Variants in ATG101 observed in about 807,000 individuals in gnomAD.
ATG101 encodes autophagy related 101, also known as autophagy-related protein 101.
In ATG101, 6 loss-of-function variants were observed where a neutral mutation model predicts 16.7. That is an observed-to-expected ratio of 0.36 (90% CI 0.20 to 0.71). ATG101 has a LOEUF of 0.71. Among genes scored for constraint, ATG101 ranks in the 30% least tolerant of loss-of-function variants. The pLI is 0.57. For missense variants in ATG101, 200 were observed against 292.5 expected (o/e 0.68, Z 2.31); for synonymous variants, 108 against 118.1 (o/e 0.91, Z 0.56).
At chr12:52,066,132 C>G (rs1939547814), upstream of ATG101, among the ~76,000 whole-genome samples, 1 of 152,134 alleles carries the variant, frequency 6.6e-6, no homozygotes, top group South Asian at 2.1e-4. Flanking sequence ...CTGCCTTGGC[C>G]CCCCAAAGTG....
intron 3 of ATG101, among the ~76,000 whole-genome samples, chr12:52,075,287 C>G (rs1226422214): frequency 6.6e-6 from 1 of 152,200 alleles, no homozygotes; most frequent in Non-Finnish European, 1.5e-5. Context: ...CCTGTGTCCT[C>G]CAGGTGTCCA....
At position 52,077,244 on chromosome 12, in the gene ATG101, GA is replaced by G. The variant is rs1230760217; in HGVS notation, c.*56del. ...ATGGCTCCCAGACCTTGGCTTTTGG[GA>G]ATTGCACTTTTGGGCCTTTGGGCTC... On this transcript the variant is annotated 3_prime_UTR_variant, in exon 4 of 4. Coordinates refer to ENST00000336854, the MANE Select transcript of ATG101 (RefSeq NM_021934.5). 1 of 1,572,428 alleles carries G rather than the reference GA, an allele frequency of 6.4e-7. No homozygotes were observed. Among genetic ancestry groups the G allele is most frequent in the Non-Finnish European group, 8.7e-7 (1 of 1,155,992 alleles).
At position 52,076,887 on chromosome 12, in the gene ATG101, A is replaced by T; in HGVS notation, c.354A>T (p.Pro118=). 1 of 1,614,196 alleles carries T rather than the reference A, an allele frequency of 6.2e-7. No homozygotes were observed. The highest frequency in any genetic ancestry group is 1.1e-5 in the South Asian group (1 of 91,090). Residue 118 remains proline (P), a synonymous_variant, in exon 4 of 4, where the codon CCA becomes CCT. Transcript: ENST00000336854. ...GGCCATTCTCAGACGAGTGCATCCC[A>T]TGGGAAGTGTGGACGGTCAAGGTGC... ...SRWPFSDECI[P]WEVWTVKVHV...
intron 2 of ATG101, among the ~76,000 whole-genome samples, 164 bp from the exon 3 acceptor site, chr12:52,073,411 C>CT (rs1166319564): frequency 6.6e-6 from 1 of 152,242 alleles, no homozygotes; most frequent in African/African-American, 2.4e-5. Flanking sequence ...CTTTGAAGCT[C>CT]TTGCACTTTC....
At chr12:52,071,569 C>T (rs1297063327) in intron 2 of ATG101, 1 of 152,220 alleles carries the variant, frequency 6.6e-6, no homozygotes, top group Non-Finnish European at 1.5e-5. Flanking sequence ...GTAATCCCAG[C>T]ACTTTGGGAG....
Position 52,070,482 on chromosome 12 carries a change from A to C in ATG101, c.-78A>C, listed in dbSNP as rs1404345195. 1 of 152,612 alleles carries C rather than the reference A, an allele frequency of 6.6e-6. No homozygotes were observed. The highest frequency in any genetic ancestry group is 2.4e-5 in the African/African-American group (1 of 41,466). The allele number at this position is 152,612 out of a possible 1,614,324, so 9.5% of individuals were successfully genotyped here. A position where few individuals can be genotyped will look rare whatever the true frequency, so the allele number is the denominator to read the frequency against. On this transcript the variant is annotated splice_region_variant and 5_prime_UTR_variant, in exon 2 of 4. Coordinates refer to ENST00000336854, the MANE Select transcript of ATG101 (RefSeq NM_021934.5). Reference sequence around the variant, plus strand: ...ATCCGTGCTCCAAACTCTACACTCAAGGTGGGAATGGGCGCACCCTGTGCT... The same window carrying C: ...ATCCGTGCTCCAAACTCTACACTCACGGTGGGAATGGGCGCACCCTGTGCT...
upstream of ATG101, among the ~76,000 whole-genome samples, chr12:52,068,090 A>G (rs1267052708): frequency 6.7e-6 from 1 of 148,606 alleles, no homozygotes; most frequent in Admixed American, 6.8e-5. Flanking sequence ...TCCGTTGCCC[A>G]GGCTGGAGTG....
rs778694622 is a variant in ATG101 at position 52,073,693 on chromosome 12, C to T, written c.43C>T (p.Arg15Trp). ...SEVLEVSVEG[R>W]QVEEAMLAVL... is the part of the protein sequence containing the mutation. ...GGTGCTGGAGGTGTCGGTGGAGGGG[C>T]GGCAGGTGGAGGAGGCCATGCTGGC... Residue 15 changes from arginine (R) to tryptophan (W), a missense_variant, in exon 3 of 4, where the codon CGG (arginine) becomes TGG (tryptophan). Coordinates refer to ENST00000336854, the MANE Select transcript of ATG101 (RefSeq NM_021934.5). 45 of 1,613,870 alleles carry T rather than the reference C, an allele frequency of 2.8e-5. No homozygotes were observed. The Admixed American group carries it at 3.2e-4, about 11-fold the overall frequency.
At chr12:52,075,209 C>T (rs1487135377) in intron 3 of ATG101, among the ~76,000 whole-genome samples, 1 of 152,156 alleles carries the variant, frequency 6.6e-6, no homozygotes, top group African/African-American at 2.4e-5. Flanking sequence ...ATTGTCCCGC[C>T]AAACCCAGAA....
At chr12:52,066,548 C>T (rs373996553), upstream of ATG101, among the ~76,000 whole-genome samples, 23 of 152,246 alleles carry the variant, frequency 1.5e-4, no homozygotes, top group African/African-American at 3.4e-4. Context: ...CAAGCTGACA[C>T]GTAAAATTAA....
Position 52,070,008 on chromosome 12 carries a change from G to A in ATG101, c.-441G>A, listed in dbSNP as rs1939614814. ...CCCGGCTCAGCCTCCGACCCAGGTG[G>A]TCTGGAGCCTGCCGGGAGAGTGGTG... On this transcript the variant is annotated 5_prime_UTR_variant, in exon 1 of 4. Transcript: ENST00000336854. 1 of 152,556 alleles carries A rather than the reference G, an allele frequency of 6.6e-6. No individual in the cohort carries two copies. Among genetic ancestry groups the A allele is most frequent in the East Asian group, 1.9e-4 (1 of 5,204 alleles). The allele number at this position is 152,556 out of a possible 1,614,324, so 9.5% of individuals were successfully genotyped here.
chr12:52,073,891 G>C lies in ATG101; in HGVS notation c.241G>C (p.Gly81Arg). ...ELDRALRKVV[G>R]EFKDALRNSG... ...GGATCGTGCCCTGCGCAAGGTTGTT[G>C]GGGAGTTCAAGGTAAGGGTGTCGGG... The change falls in exon 3 of 4, where the codon GGG (glycine) becomes CGG (arginine). Residue 81 changes from glycine (G) to arginine (R), a missense_variant. Physicochemically the swap from Gly to Arg is moderately radical, Grantham distance 125 (BLOSUM62 -2). Transcript: ENST00000336854. 1 of 1,447,616 alleles carries C rather than the reference G, an allele frequency of 6.9e-7. No homozygotes were observed. Among genetic ancestry groups the C allele is most frequent in the Non-Finnish European group, 9.4e-7 (1 of 1,064,330 alleles). 89.7% of individuals were successfully genotyped at this position (1,447,616 alleles called of 1,614,324 possible).
At position 52,073,870 on chromosome 12, in the gene ATG101, C is replaced by T. The variant is rs1206801128; in HGVS notation, c.220C>T (p.Arg74Cys). The part of the protein sequence containing the change: ...YVRVSSEELD[R>C]ALRKVVGEFK... ...GCGTGTCTCTTCTGAGGAACTGGAT[C>T]GTGCCCTGCGCAAGGTTGTTGGGGA... Residue 74 changes from arginine to cysteine, a missense_variant, in exon 3 of 4, where the codon CGT becomes TGT. Coordinates refer to ENST00000336854, the MANE Select transcript of ATG101 (RefSeq NM_021934.5). The T allele has an allele frequency of 9.3e-6, 15 of 1,614,062 alleles. No individual in the cohort carries two copies. The African/African-American group carries it at 9.3e-5, about 10-fold the overall frequency.
At position 52,076,836 on chromosome 12, in the gene ATG101, G is replaced by C. The variant is rs1939738142; in HGVS notation, c.303G>C (p.Glu101Asp). 1 of 1,614,076 alleles carries C rather than the reference G, an allele frequency of 6.2e-7. No homozygotes were observed. Residue 101 changes from glutamate to aspartate, a missense_variant, in exon 4 of 4, where the codon GAG (glutamate) becomes GAC (aspartate). Glu to Asp is a conservative substitution (Grantham distance 45). Transcript: ENST00000336854. ...ATGGGCTGGGGCAGATGTCCTTGGA[G>C]TTCTACCAGAAGAAGAAGTCTCGCT... The part of the protein sequence containing the change: ...GGDGLGQMSL[E>D]FYQKKKSRWP...
Position 52,076,871 on chromosome 12 carries a change from C to G in ATG101, c.338C>G (p.Ser113Ter). ...YQKKKSRWPF[S>*]DECIPWEVWT... ...AAGAAGAAGTCTCGCTGGCCATTCT[C>G]AGACGAGTGCATCCCATGGGAAGTG... The change falls in exon 4 of 4, where the codon TCA becomes TGA. Residue 113 changes from serine (S) to a stop codon, truncating the protein, a stop_gained. Coordinates refer to ENST00000336854, the MANE Select transcript of ATG101 (RefSeq NM_021934.5). LOFTEE classifies it high-confidence loss of function. 1 of 1,614,210 alleles carries G rather than the reference C, an allele frequency of 6.2e-7. No homozygotes were observed. Among genetic ancestry groups the G allele is most frequent in the Non-Finnish European group, 8.5e-7 (1 of 1,180,032 alleles).
At position 52,070,225 on chromosome 12, in the gene ATG101, G is replaced by A. The variant is rs1327629734; in HGVS notation, c.-224G>A. On this transcript the variant is annotated 5_prime_UTR_variant, in exon 1 of 4. Transcript: ENST00000336854. ...CACCCGAGGAGTCCGTTCCTCCCTG[G>A]TTACGTGGACTGTGGAGGTTCGCGC... 1.3e-5 allele frequency: 2 copies of A among 152,250 alleles called. No homozygotes were observed. Among genetic ancestry groups the A allele is most frequent in the African/African-American group, 2.4e-5 (1 of 41,468 alleles). The allele number at this position is 152,250 out of a possible 1,614,324, so 9.4% of individuals were successfully genotyped here.
chr12:52,077,274 A>T lies in ATG101; in HGVS notation c.*84A>T. ...GCACTTTTGGGCCTTTGGGCTCTGG[A>T]ACCTGCTCTGGGTCATTGGTGAGAC... On this transcript the variant is annotated 3_prime_UTR_variant, in exon 4 of 4. Transcript: ENST00000336854. The T allele has an allele frequency of 6.8e-7, 1 of 1,464,790 alleles. No individual in the cohort carries two copies. The allele number at this position is 1,464,790 out of a possible 1,614,324, so 90.7% of individuals were successfully genotyped here.
upstream of ATG101, among the ~76,000 whole-genome samples, chr12:52,065,827 TAGAG>T (rs765169731): frequency 3.3e-5 from 5 of 152,110 alleles, no homozygotes; most frequent in Non-Finnish European, 7.4e-5. Flanking sequence ...ACACATAATG[TAGAG>T]AGAGAGTTTC....
upstream of ATG101, among the ~76,000 whole-genome samples, chr12:52,067,619 C>T (rs1343700446): frequency 1.3e-5 from 2 of 151,496 alleles, no homozygotes; most frequent in African/African-American, 2.4e-5. Flanking sequence ...GACGGAGTCT[C>T]GCTCTTTCAC....
Sources: gnomAD v4.1 joint callset for allele counts (sites outside exome capture counted in the v4.1 genomes callset) on GRCh38, gnomAD v4.1.1 for gene constraint, MANE v1.5 for transcripts, NCBI Gene and HGNC (gene_info 2026-07-23, HGNC 2026-07-21) for gene names.